ALPK2: variants seen among roughly 807,000 people sequenced by gnomAD.
The protein encoded by ALPK2 is alpha-protein kinase 2.
In ALPK2, 127 loss-of-function variants were observed where a neutral mutation model predicts 163.1. The observed-to-expected ratio is 0.78, with a 90% confidence interval of 0.67 to 0.90. The LOEUF (loss-of-function observed/expected upper bound fraction) is 0.90. Among genes scored for constraint, ALPK2 ranks in the 40% least tolerant of loss-of-function variants. The probability of loss-of-function intolerance (pLI) is 0.00; values close to 1 mark genes in which losing one functional copy is unlikely to be tolerated. For synonymous variants in ALPK2, 953 were observed against 959.1 expected, an observed-to-expected ratio of 0.99 and a Z score of 0.12; for missense variants, 2,360 against 2,589.6, an observed-to-expected ratio of 0.91 and a Z score of 1.92.
At chr18:58,502,134 C>CCACACACACACACA (rs71173056) in intron 11 of ALPK2, among the ~76,000 whole-genome samples, 11 of 118,778 alleles carry the variant, frequency 9.3e-5, no homozygotes, top group African/African-American at 3.4e-4. Context: ...AACCCCATCT[C>CCACACACACACACA]CACACACACA....
At chr18:58,506,094 C>T (rs1298181527) in intron 10 of ALPK2, among the ~76,000 whole-genome samples, 1 of 152,146 alleles carries the variant, frequency 6.6e-6, no homozygotes, top group African/African-American at 2.4e-5. Context: ...CCCAGTCCAG[C>T]CCTGTCCCTG....
At chr18:58,622,734 T>C (rs369842344) in intron 1 of ALPK2, among the ~76,000 whole-genome samples, 1 of 152,292 alleles carries the variant, frequency 6.6e-6, no homozygotes, top group East Asian at 1.9e-4. Context: ...ATCACAAACA[T>C]TTCACAGTAA....
chr18:58,530,793 G>A (rs550403494), intron 5 of ALPK2, among the ~76,000 whole-genome samples: 1 of 152,308 alleles, frequency 6.6e-6, no homozygotes, highest in Non-Finnish European at 1.5e-5. Context: ...AAGGAGACCT[G>A]GAGTGCAGCT....
chr18:58,601,768 CA>C (rs1252319575), intron 3 of ALPK2, among the ~76,000 whole-genome samples: 11 of 152,150 alleles, frequency 7.2e-5, no homozygotes, highest in Non-Finnish European at 2.9e-5. Context: ...ATGAAAAAGC[CA>C]GGGAAAACCA....
At chr18:58,607,176 G>A (rs531539693) in intron 3 of ALPK2, 146 bp downstream of exon 3, 9 of 539,634 alleles carry the variant, frequency 1.7e-5, no homozygotes, top group African/African-American at 5.8e-5. Context: ...ATTGCTGGGT[G>A]CTTTGGCAGA....
intron 10 of ALPK2, chr18:58,511,604 GA>G (rs1347693752): frequency 6.6e-6 from 1 of 152,144 alleles, no homozygotes; most frequent in Non-Finnish European, 1.5e-5. Context: ...AAGGTGCTTG[GA>G]AAAACATTAT....
chr18:58,533,409 C>A (rs529904569), intron 5 of ALPK2, among the ~76,000 whole-genome samples: 1 of 152,082 alleles, frequency 6.6e-6, no homozygotes, highest in Non-Finnish European at 1.5e-5. Context: ...GGGCTGAAAC[C>A]AATTTTGAGA....
intron 4 of ALPK2, chr18:58,543,366 C>T: frequency 1.0e-6 from 1 of 985,406 alleles, no homozygotes; most frequent in Non-Finnish European, 1.2e-6. Flanking sequence ...CTCTGTGCAC[C>T]AGACCTCAGG....
chr18:58,499,655 G>A (rs2051421332), intron 11 of ALPK2, among the ~76,000 whole-genome samples: 1 of 152,186 alleles, frequency 6.6e-6, no homozygotes, highest in South Asian at 2.1e-4. Context: ...TTATCCCATG[G>A]CCCATAGTGC....
intron 9 of ALPK2, 60 bp from the exon 10 acceptor site, chr18:58,515,141 CCAGTAAGACTATT>C: frequency 7.8e-7 from 1 of 1,276,698 alleles, no homozygotes; most frequent in Non-Finnish European, 1.1e-6. Context: ...ACAGTATTGC[CCAGTAAGACTATT>C]CAGGAGATTT....
intron 3 of ALPK2, among the ~76,000 whole-genome samples, chr18:58,595,384 A>G (rs1332644260): frequency 1.3e-5 from 2 of 152,160 alleles, no homozygotes; most frequent in African/African-American, 4.8e-5. Context: ...CCCTCCATGA[A>G]TCCTTATTTT....
In ALPK2 at chr18:58,617,222, TG is replaced by T. The variant is rs201684800; in HGVS notation, c.-20-5406del. Among the ~76,000 whole-genome samples, 1,021 of 152,348 alleles carry T rather than the reference TG, an allele frequency of 6.7e-3. 7 individuals carry two copies. The highest frequency in any genetic ancestry group is 0.023 in the African/African-American group (971 of 41,576). On this transcript the variant is annotated intron_variant, in intron 1 of 12. Coordinates refer to ENST00000361673, the MANE Select transcript of ALPK2 (RefSeq NM_052947.4). The stretch of plus-strand genomic sequence containing the variant: ...TTTATTTATTGAGAGAGTCTCACTA[TG>T]TCGCCCAGGCTAGAGTGCAATGGCA...
intron 1 of ALPK2, among the ~76,000 whole-genome samples, chr18:58,625,044 A>G (rs942157051): frequency 1.3e-5 from 2 of 152,148 alleles, no homozygotes; most frequent in African/African-American, 4.8e-5. Flanking sequence ...TCTGCCCTCC[A>G]TGTTTTTAGT....
Position 58,523,976 on chromosome 18 carries a change from C to G in ALPK2, c.5588G>C (p.Ser1863Thr), listed in dbSNP as rs569906706. ...AAATTCAGCAGTCACTTTTCCGTAGCTGTTCTTGATGCAGCAGTAATAGAG... is the reference window on the plus strand; with the variant it reads ...AAATTCAGCAGTCACTTTTCCGTAGGTGTTCTTGATGCAGCAGTAATAGAG... Reference protein sequence around the residue: ...QGLYYCCIKNSYGKVTAEFNL... With the variant: ...QGLYYCCIKNTYGKVTAEFNL... The change falls in exon 7 of 13, where the codon AGC (serine) becomes ACC (threonine). Residue 1863 changes from serine to threonine, a missense_variant. Coordinates refer to ENST00000361673, the MANE Select transcript of ALPK2 (RefSeq NM_052947.4). The G allele has an allele frequency of 2.8e-4, 449 of 1,614,180 alleles. 7 individuals carry two copies. In the South Asian group the frequency reaches 4.6e-3, roughly 17 times the overall value.
intron 5 of ALPK2, among the ~76,000 whole-genome samples, chr18:58,529,918 C>G (rs966052414): frequency 2.6e-5 from 4 of 152,222 alleles, no homozygotes; most frequent in Non-Finnish European, 4.4e-5. Flanking sequence ...GTGTAATTAG[C>G]TAGGGCAGCC....
At position 58,510,948 on chromosome 18, in the gene ALPK2, G is replaced by A. The variant is rs1206146489; in HGVS notation, c.6029+4045C>T. 2.0e-4 allele frequency among the ~76,000 whole-genome samples: 30 copies of A among 152,270 alleles called. 1 individual carries two copies. The highest frequency in any genetic ancestry group is 7.0e-4 in the African/African-American group (29 of 41,556). On this transcript the variant is annotated intron_variant, in intron 10 of 12. Transcript: ENST00000361673. ...TTGAATAGGAGTGGTGAGAGAGGGCGTCCCTGTCTTATGCCAGTTTTCAAA... is the reference window on the plus strand; with the variant it reads ...TTGAATAGGAGTGGTGAGAGAGGGCATCCCTGTCTTATGCCAGTTTTCAAA...
Position 58,536,332 on chromosome 18 carries a change from C to A in ALPK2, c.3855G>T (p.Val1285=), listed in dbSNP as rs769272540. 1.2e-6 allele frequency: 2 copies of A among 1,614,238 alleles called. No homozygotes were observed. Among genetic ancestry groups the A allele is most frequent in the East Asian group, 4.5e-5 (2 of 44,888 alleles). The change falls in exon 5 of 13, where the codon GTG becomes GTT. Residue 1285 remains valine, a synonymous_variant. Transcript: ENST00000361673. ...CTATTTCAGAGGGGGCCAATTCAGG[C>A]ACAACAGCATCTGCCTTTAGACTAT... ...VPDSLKADAV[V]PELAPSEIAA...
At position 58,579,658 on chromosome 18, in the gene ALPK2, C is replaced by T; in HGVS notation, c.1118G>A (p.Gly373Glu). Residue 373 changes from glycine (G) to glutamate (E), a missense_variant, in exon 4 of 13, where the codon GGG (glycine) becomes GAG (glutamate). Physicochemically the swap from Gly to Glu is moderately conservative, Grantham distance 98. Transcript: ENST00000361673. ...CATTCCACTGAGGAAATGCTCACAC[C>T]CACCCAGGCAATGCTCACCGAATTC... is the stretch of plus-strand genomic sequence containing the variant. Reference protein sequence around the residue: ...EMEFGEHCLGGCEHFLSGMGC... With the variant: ...EMEFGEHCLGECEHFLSGMGC... 2 of 1,614,058 alleles carry T rather than the reference C, an allele frequency of 1.2e-6. No individual in the cohort carries two copies. Among genetic ancestry groups the T allele is most frequent in the Non-Finnish European group, 1.7e-6 (2 of 1,180,008 alleles).
intron 4 of ALPK2, among the ~76,000 whole-genome samples, chr18:58,568,028 C>A (rs1181846264): frequency 6.6e-6 from 1 of 152,202 alleles, no homozygotes; most frequent in African/African-American, 2.4e-5. Context: ...GCCATGGTGG[C>A]CTCCTGCCAG....
Sources: gnomAD v4.1 joint callset for allele counts (sites outside exome capture counted in the v4.1 genomes callset) on GRCh38, gnomAD v4.1.1 for gene constraint, MANE v1.5 for transcripts, NCBI Gene and HGNC (gene_info 2026-07-23, HGNC 2026-07-21) for gene names.